LIMD1: variants seen among roughly 807,000 people sequenced by gnomAD.
LIMD1 encodes LIM domain-containing protein 1.
Under a neutral mutation model 58.4 loss-of-function variants are expected in LIMD1, and 23 were observed. The ratio of observed to expected loss-of-function variants is 0.39; its 90% confidence interval spans 0.28 to 0.56. The LOEUF (loss-of-function observed/expected upper bound fraction) is 0.56. LIMD1 is among the 20% of genes least tolerant of loss of function. The pLI is 0.57. For missense variants in LIMD1, 838 were observed against 855.5 expected (o/e 0.98, Z 0.25); for synonymous variants, 334 against 345.5 (o/e 0.97, Z 0.37).
chr3:45,620,555 A>G (rs2125653903), intron 1 of LIMD1, among the ~76,000 whole-genome samples: 1 of 152,286 alleles, frequency 6.6e-6, no homozygotes, highest in Middle Eastern at 3.4e-3. Flanking sequence ...GGGGAGTCCA[A>G]GGTGTGTGGA....
intron 2 of LIMD1, among the ~76,000 whole-genome samples, chr3:45,658,052 G>A (rs2125666198): frequency 6.6e-6 from 1 of 152,270 alleles, no homozygotes; most frequent in East Asian, 1.9e-4. Flanking sequence ...AACCTGTGTG[G>A]CAAAGTTTTC....
rs145508440 is a variant in LIMD1, at chr3:45,595,948, C to T, written c.1069C>T (p.Leu357=). 3.1e-4 allele frequency: 506 copies of T among 1,614,222 alleles called. No homozygotes were observed. Among genetic ancestry groups the T allele is most frequent in the East Asian group, 1.8e-3 (83 of 44,888 alleles). ...SSAPSSSPAG[L]DGSQQGAVPG... ...TGCCCCGTCATCCTCGCCAGCTGGT[C>T]TGGACGGTTCACAGCAGGGTGCGGT... The change falls in exon 1 of 8, where the codon CTG becomes TTG. Residue 357 remains leucine (L), a synonymous_variant. Transcript: ENST00000273317.
At position 45,649,875 on chromosome 3, in the gene LIMD1, CT is replaced by C. The variant is rs1248140901; in HGVS notation, c.1510+13635del. Among the ~76,000 whole-genome samples the C allele has an allele frequency of 6.5e-4, 79 of 121,816 alleles. 1 individual carries two copies. The highest frequency in any genetic ancestry group is 1.3e-3 in the African/African-American group (43 of 32,112). The allele number at this position is 121,816 out of a possible 152,430, so 79.9% of individuals were successfully genotyped here. The stretch of plus-strand genomic sequence containing the variant: ...TTTTTTTTTTTTTACTATTTTCTCC[CT>C]TTTTTTTTTTAATGAGAAATCTGAT... On this transcript the variant is annotated intron_variant, in intron 2 of 7. Coordinates refer to ENST00000273317, the MANE Select transcript of LIMD1 (RefSeq NM_014240.3).
Position 45,663,275 on chromosome 3 carries a change from A to T in LIMD1, c.1511-2375A>T, listed in dbSNP as rs547155826. 2.6e-5 allele frequency among the ~76,000 whole-genome samples: 4 copies of T among 152,226 alleles called. No homozygotes were observed. The South Asian group carries it at 8.3e-4, about 32-fold the overall frequency. On this transcript the variant is annotated intron_variant, in intron 2 of 7. Coordinates refer to ENST00000273317, the MANE Select transcript of LIMD1 (RefSeq NM_014240.3). ...ACAACGTTGCCGTGAACATCCATACATGTCTGTCCTCATGCATGTTTGGGT... is the reference window on the plus strand; with the variant it reads ...ACAACGTTGCCGTGAACATCCATACTTGTCTGTCCTCATGCATGTTTGGGT...
In LIMD1 at chr3:45,665,692, A is replaced by G. The variant is rs866660285; in HGVS notation, c.1553A>G (p.Lys518Arg). The change falls in exon 3 of 8, where the codon AAA (lysine) becomes AGA (arginine). Residue 518 changes from lysine (K) to arginine (R), a missense_variant. Lys to Arg is a conservative substitution (Grantham distance 26, BLOSUM62 2). Transcript: ENST00000273317. ...AAAGCCTTTTATTTTGTCAACGGCAAAGTGTTTTGTGAAGAAGACTTCCTG... is the reference window on the plus strand; with the variant it reads ...AAAGCCTTTTATTTTGTCAACGGCAGAGTGTTTTGTGAAGAAGACTTCCTG... ...RGKAFYFVNG[K>R]VFCEEDFLYS... 2 of 1,614,120 alleles carry G rather than the reference A, an allele frequency of 1.2e-6. No individual in the cohort carries two copies.
intron 1 of LIMD1, among the ~76,000 whole-genome samples, chr3:45,624,748 C>T (rs1701654324): frequency 6.6e-6 from 1 of 151,894 alleles, no homozygotes; most frequent in Non-Finnish European, 1.5e-5. Context: ...CAAAAAAAAA[C>T]TTTCCATCAC....
chr3:45,614,067 T>C (rs1464473424), intron 1 of LIMD1, among the ~76,000 whole-genome samples: 1 of 152,200 alleles, frequency 6.6e-6, no homozygotes, highest in African/African-American at 2.4e-5. Context: ...GCTGATACCC[T>C]CCCAATTTCC....
At chr3:45,599,755 T>C (rs1181477153) in intron 1 of LIMD1, among the ~76,000 whole-genome samples, 1 of 152,230 alleles carries the variant, frequency 6.6e-6, no homozygotes, top group Admixed American at 6.5e-5. Context: ...GGAGTGGGAC[T>C]GTGGGGCTGC....
chr3:45,602,296 C>T (rs771922231), intron 1 of LIMD1, among the ~76,000 whole-genome samples: 1 of 152,042 alleles, frequency 6.6e-6, no homozygotes, highest in Admixed American at 6.6e-5. Flanking sequence ...CTGTGCTCAC[C>T]CTCCCTGCTG....
At chr3:45,668,140 C>T (rs1411795875) in intron 3 of LIMD1, among the ~76,000 whole-genome samples, 154 bp from the exon 4 acceptor site, 2 of 152,224 alleles carry the variant, frequency 1.3e-5, no homozygotes, top group East Asian at 1.9e-4. Flanking sequence ...TTCTATGACT[C>T]AGCCCACAGC....
Position 45,594,855 on chromosome 3 carries a change from C to CT in LIMD1, c.-24dup, listed in dbSNP as rs1701324445. 1 of 1,507,968 alleles carries CT rather than the reference C, an allele frequency of 6.6e-7. No homozygotes were observed. Among genetic ancestry groups the CT allele is most frequent in the African/African-American group, 1.5e-5 (1 of 65,846 alleles). The allele number at this position is 1,507,968 out of a possible 1,614,324, so 93.4% of individuals were successfully genotyped here. A position where few individuals can be genotyped will look rare whatever the true frequency, so the allele number is the denominator to read the frequency against. ...CACACACACACACACGGCACCTGGG[C>CT]TAGGCCCGGACACCTGTCTGCAGCA... On this transcript the variant is annotated 5_prime_UTR_variant, in exon 1 of 8. Transcript: ENST00000273317.
chr3:45,671,298 G>A (rs1455128508), intron 4 of LIMD1, among the ~76,000 whole-genome samples: 7 of 152,186 alleles, frequency 4.6e-5, no homozygotes, highest in Admixed American at 3.9e-4. Context: ...GGAGTTATCC[G>A]CCTGAGGCTT....
intron 1 of LIMD1, among the ~76,000 whole-genome samples, chr3:45,612,246 G>C (rs1234719053): frequency 6.6e-6 from 1 of 152,054 alleles, no homozygotes; most frequent in African/African-American, 2.4e-5. Flanking sequence ...AACCATGCCT[G>C]GCTAATTTGT....
chr3:45,596,271 G>T lies in LIMD1; in HGVS notation c.1392G>T (p.Pro464=), dbSNP rs375902019. 1 of 1,603,522 alleles carries T rather than the reference G, an allele frequency of 6.2e-7. No individual in the cohort carries two copies. ...TGGAGCGAGAGATGGATGCTCACCCGAAGGCTGATTACTTTGGTGAGTGAG... is the reference window on the plus strand; with the variant it reads ...TGGAGCGAGAGATGGATGCTCACCCTAAGGCTGATTACTTTGGTGAGTGAG... ...QRLEREMDAH[P]KADYFGACVK... The change falls in exon 1 of 8, where the codon CCG becomes CCT. Residue 464 remains proline (P), a synonymous_variant. Transcript: ENST00000273317.
At chr3:45,660,200 GCCTCCTAGCTC>G (rs1697411473) in intron 2 of LIMD1, among the ~76,000 whole-genome samples, 1 of 152,012 alleles carries the variant, frequency 6.6e-6, no homozygotes, top group Non-Finnish European at 1.5e-5. Flanking sequence ...TTTCCTGGTG[GCCTCCTAGCTC>G]CCTCTAGGGG....
At chr3:45,663,113 A>T (rs1353099120) in intron 2 of LIMD1, among the ~76,000 whole-genome samples, 1 of 152,244 alleles carries the variant, frequency 6.6e-6, no homozygotes, top group East Asian at 1.9e-4. Context: ...TTCAATTAAT[A>T]ATGATATGCA....
At chr3:45,605,590 T>C (rs1358718733) in intron 1 of LIMD1, among the ~76,000 whole-genome samples, 8 of 152,234 alleles carry the variant, frequency 5.3e-5, no homozygotes, top group Admixed American at 5.2e-4. Context: ...AATCATTTAC[T>C]GAGCTAAAGG....
intron 1 of LIMD1, chr3:45,632,600 A>G: frequency 1.0e-6 from 1 of 952,426 alleles, no homozygotes; most frequent in Non-Finnish European, 1.3e-6. Context: ...ACTATGTGGA[A>G]TGTGATTCAA....
At chr3:45,600,689 C>A (rs59285107) in intron 1 of LIMD1, among the ~76,000 whole-genome samples, 45,158 of 152,076 alleles carry the variant, frequency 0.3, 7,701 homozygotes, top group Middle Eastern at 0.44. Context: ...GGGCACCGTG[C>A]CTTTGTTAGT....
Sources: gnomAD v4.1 joint callset for allele counts (sites outside exome capture counted in the v4.1 genomes callset) on GRCh38, gnomAD v4.1.1 for gene constraint, MANE v1.5 for transcripts, NCBI Gene and HGNC (gene_info 2026-07-23, HGNC 2026-07-21) for gene names.